The following LINGO1 variants were observed in gnomAD, a reference collection of about 807,000 sequenced individuals.
LINGO1 encodes the protein leucine rich repeat and Ig domain containing 1.
A neutral mutation model predicts 37.3 loss-of-function variants in LINGO1; 11 were observed. That is an observed-to-expected ratio of 0.29 (90% CI 0.19 to 0.49). The LOEUF (loss-of-function observed/expected upper bound fraction) is 0.49, where lower values mean the gene tolerates loss of function less well. Among genes scored for constraint, LINGO1 ranks in the 20% least tolerant of loss-of-function variants. The pLI is 0.99. For missense variants in LINGO1, 585 were observed against 878.2 expected (o/e 0.67, Z 4.22); for synonymous variants, 387 against 403.0 (o/e 0.96, Z 0.48).
chr15:77,617,312 G>C (rs371702965), intron 1 of LINGO1, among the ~76,000 whole-genome samples: 1 of 152,106 alleles, frequency 6.6e-6, no homozygotes, highest in African/African-American at 2.4e-5. Context: ...AACTGGCCTG[G>C]CAAATAGGGT....
chr15:77,640,917 G>T (rs1466802083), intron 3 of LINGO1, among the ~76,000 whole-genome samples: 1 of 152,156 alleles, frequency 6.6e-6, no homozygotes, highest in Non-Finnish European at 1.5e-5. Context: ...CCATGGTCTG[G>T]CAGGCAAGAC....
At position 77,684,316 on chromosome 15, in the gene LINGO1, T is replaced by C. The variant is rs550963680; in HGVS notation, c.-99+6404A>G. On this transcript the variant is annotated intron_variant, in intron 2 of 3. Coordinates refer to the LINGO1 transcript ENST00000559893. Reference sequence around the variant, plus strand: ...CTGAGATAGGTTTATTATCACCTCATTTAACAGATGGGGAAACTGAGGTAC... The same window carrying C: ...CTGAGATAGGTTTATTATCACCTCACTTAACAGATGGGGAAACTGAGGTAC... Among the ~76,000 whole-genome samples the C allele has an allele frequency of 1.2e-4, 18 of 152,324 alleles. 1 individual carries two copies. The South Asian group carries it at 3.5e-3, about 30-fold the overall frequency.
At chr15:77,811,610 C>T (rs2141479853) in intron 1 of LINGO1, among the ~76,000 whole-genome samples, 1 of 152,352 alleles carries the variant, frequency 6.6e-6, no homozygotes, top group South Asian at 2.1e-4. Flanking sequence ...AGGACCCTCC[C>T]CTTCACTGCT....
At chr15:77,740,780 T>A (rs2076255132) in intron 1 of LINGO1, among the ~76,000 whole-genome samples, 1 of 152,034 alleles carries the variant, frequency 6.6e-6, no homozygotes, top group Non-Finnish European at 1.5e-5. Context: ...CCTGCAGAGG[T>A]GGGCACCTAA....
chr15:77,667,102 G>A (rs2075146614), intron 3 of LINGO1: 1 of 152,348 alleles, frequency 6.6e-6, no homozygotes, highest in South Asian at 2.1e-4. Context: ...GAGGGTCTGG[G>A]GTCTGGGAGT....
chr15:77,815,980 G>T (rs1277201561), intron 1 of LINGO1, among the ~76,000 whole-genome samples: 1 of 152,060 alleles, frequency 6.6e-6, no homozygotes, highest in East Asian at 1.9e-4. Flanking sequence ...TGCCAGTGCC[G>T]TGCCATCTTC....
At chr15:77,684,231 C>T (rs753389716) in intron 2 of LINGO1, among the ~76,000 whole-genome samples, 3 of 152,226 alleles carry the variant, frequency 2.0e-5, no homozygotes, top group East Asian at 1.9e-4. Context: ...ACCTCGTTCA[C>T]TGGGGGCTGT....
upstream of LINGO1, among the ~76,000 whole-genome samples, chr15:77,636,777 G>C (rs748005720): frequency 1.3e-5 from 2 of 152,114 alleles, no homozygotes; most frequent in Non-Finnish European, 2.9e-5. Flanking sequence ...GTAGCCTCCA[G>C]AAGCCACCAC....
chr15:77,763,311 C>T (rs1188486368), intron 1 of LINGO1, among the ~76,000 whole-genome samples: 1 of 152,082 alleles, frequency 6.6e-6, no homozygotes, highest in Non-Finnish European at 1.5e-5. Context: ...AGCCTGGGGC[C>T]TGGAGAGGAG....
At chr15:77,686,711 G>A (rs1187234542) in intron 2 of LINGO1, among the ~76,000 whole-genome samples, 1 of 152,034 alleles carries the variant, frequency 6.6e-6, no homozygotes, top group Admixed American at 6.5e-5. Context: ...TTGCCTCTTC[G>A]GGGACCCCAT....
intron 3 of LINGO1, among the ~76,000 whole-genome samples, chr15:77,645,635 C>G (rs2074608731): frequency 6.6e-6 from 1 of 152,228 alleles, no homozygotes; most frequent in Admixed American, 6.5e-5. Flanking sequence ...GAACACAGGG[C>G]TGCTGCCTCC....
At chr15:77,797,923 G>C (rs2076886488) in intron 1 of LINGO1, among the ~76,000 whole-genome samples, 1 of 152,174 alleles carries the variant, frequency 6.6e-6, no homozygotes, top group Non-Finnish European at 1.5e-5. Context: ...AGATGCTTTG[G>C]GGCCAGGGTC....
At chr15:77,779,507 G>A (rs1016099005) in intron 1 of LINGO1, among the ~76,000 whole-genome samples, 2 of 152,012 alleles carry the variant, frequency 1.3e-5, no homozygotes, top group Non-Finnish European at 2.9e-5. Flanking sequence ...TGTCCCATCT[G>A]GGGATGATGG....
In LINGO1 at chr15:77,775,617, G is replaced by A. The variant is rs547150221; in HGVS notation, c.-257+11252C>T. On this transcript the variant is annotated intron_variant, in intron 1 of 3. Coordinates refer to the LINGO1 transcript ENST00000561686. ...CTTGACAGGGTCGTGCACAGCAGGCGTGACTGGGCCATCCTCTGCTTCCTA... is the reference window on the plus strand; with the variant it reads ...CTTGACAGGGTCGTGCACAGCAGGCATGACTGGGCCATCCTCTGCTTCCTA... 2.6e-5 allele frequency among the ~76,000 whole-genome samples: 4 copies of A among 152,292 alleles called. No individual in the cohort carries two copies. The South Asian group carries it at 6.2e-4, about 24-fold the overall frequency.
intron 2 of LINGO1, among the ~76,000 whole-genome samples, chr15:77,723,486 G>A (rs970935191): frequency 2.0e-5 from 3 of 152,142 alleles, no homozygotes; most frequent in African/African-American, 4.8e-5. Flanking sequence ...TGACGTGCCC[G>A]GCACGTGTCC....
At chr15:77,790,683 T>C (rs946809628), upstream of LINGO1, among the ~76,000 whole-genome samples, 3 of 152,116 alleles carry the variant, frequency 2.0e-5, no homozygotes, top group African/African-American at 7.2e-5. Flanking sequence ...CCCCACCACG[T>C]GCTGGGCCCC....
chr15:77,700,965 T>C (rs1303467864), upstream of LINGO1, among the ~76,000 whole-genome samples: 1 of 152,194 alleles, frequency 6.6e-6, no homozygotes. Context: ...AGCATCACCA[T>C]GGAAGAGGGA....
At chr15:77,720,907 T>A (rs933439817) in intron 2 of LINGO1, among the ~76,000 whole-genome samples, 3 of 151,208 alleles carry the variant, frequency 2.0e-5, no homozygotes, top group African/African-American at 7.3e-5. Context: ...GCCTCCCTCA[T>A]CCCTCCACCC....
intron 3 of LINGO1, among the ~76,000 whole-genome samples, chr15:77,662,747 T>C (rs972945453): frequency 3.3e-5 from 5 of 152,220 alleles, no homozygotes; most frequent in African/African-American, 1.2e-4. Context: ...TTGAAGTCGA[T>C]GGACTGACTC....
Sources: allele counts gnomAD v4.1 joint callset (sites outside exome capture counted in the v4.1 genomes callset), GRCh38; gene constraint gnomAD v4.1.1; transcripts MANE v1.5; gene names NCBI Gene and HGNC (gene_info 2026-07-23, HGNC 2026-07-21).